Variants in LMX1A observed in about 807,000 individuals in gnomAD.
LMX1A encodes the protein LIM homeobox transcription factor 1-alpha.
Under a neutral mutation model 49.1 loss-of-function variants are expected in LMX1A, and 15 were observed. The ratio of observed to expected loss-of-function variants is 0.31; its 90% CI spans 0.20 to 0.47. The LOEUF is 0.47. Ranked by LOEUF, LMX1A falls within the 20% of genes least tolerant of loss-of-function variation. The pLI is 1.00. For missense variants in LMX1A, 372 were observed against 475.8 expected (o/e 0.78, Z 2.03); for synonymous variants, 167 against 185.7 (o/e 0.90, Z 0.82).
chr1:165,213,941 G>A, intron 4 of LMX1A, 128 bp from the exon 5 acceptor site: 5 of 780,056 alleles, frequency 6.4e-6, no homozygotes, highest in South Asian at 5.3e-5. Flanking sequence ...AATAATCTAT[G>A]TGGTATTGCT....
chr1:165,262,374 C>G (rs1357229902), intron 3 of LMX1A, among the ~76,000 whole-genome samples: 1 of 152,178 alleles, frequency 6.6e-6, no homozygotes, highest in African/African-American at 2.4e-5. Context: ...AGAATGAAAG[C>G]TACCTGTTAA....
intron 3 of LMX1A, among the ~76,000 whole-genome samples, chr1:165,318,573 C>T (rs965072890): frequency 2.6e-5 from 4 of 152,126 alleles, no homozygotes; most frequent in Non-Finnish European, 5.9e-5. Flanking sequence ...TTCTCCCAGA[C>T]AATTTTACTG....
Position 165,249,539 on chromosome 1 carries a change from C to T in LMX1A, c.365G>A (p.Cys122Tyr), listed in dbSNP as rs1322499274. Residue 122 changes from cysteine to tyrosine, a missense_variant, in exon 4 of 9, where the codon TGC becomes TAC. This residue lies in a region of LMX1A where 199 missense variants were observed against 244.0 expected (regional missense o/e 0.82). Coordinates refer to ENST00000342310, the MANE Select transcript of LMX1A (RefSeq NM_177398.4). ...CTGAAGCTGTCGCTCGCAGACACAG[C>T]AGCAGAAGCAGCTCAGGTGGTATAC... ...KSVYHLSCFC[C>Y]CVCERQLQKG... 6.2e-7 allele frequency: 1 copy of T among 1,614,142 alleles called. No homozygotes were observed. The highest frequency in any genetic ancestry group is 8.5e-7 in the Non-Finnish European group (1 of 1,180,004).
chr1:165,331,812 G>A (rs1179472951), intron 3 of LMX1A, among the ~76,000 whole-genome samples: 1 of 152,164 alleles, frequency 6.6e-6, no homozygotes, highest in South Asian at 2.1e-4. Flanking sequence ...AGATACACAG[G>A]AGGCTGAGGC....
intron 4 of LMX1A, among the ~76,000 whole-genome samples, chr1:165,239,068 G>GA (rs1372263538): frequency 2.5e-3 from 3 of 1,192 alleles, no homozygotes; most frequent in Non-Finnish European, 3.8e-3. Context: ...TCATCATCAT[G>GA]AAAAAATCAT....
chr1:165,300,908 A>T (rs1270790394), intron 3 of LMX1A, among the ~76,000 whole-genome samples: 1 of 152,188 alleles, frequency 6.6e-6, no homozygotes, highest in Non-Finnish European at 1.5e-5. Flanking sequence ...CTGGGGAGCT[A>T]AAGTAGAGAA....
chr1:165,313,334 C>T (rs1417830650), intron 3 of LMX1A, among the ~76,000 whole-genome samples: 3 of 152,142 alleles, frequency 2.0e-5, no homozygotes, highest in Admixed American at 6.5e-5. Context: ...AACACATATC[C>T]TAAACCCTAG....
chr1:165,273,165 T>C (rs2101697653), intron 3 of LMX1A, among the ~76,000 whole-genome samples: 1 of 152,296 alleles, frequency 6.6e-6, no homozygotes, highest in Non-Finnish European at 1.5e-5. Context: ...GCAGATGTGT[T>C]GTGTCTGGCT....
intron 3 of LMX1A, among the ~76,000 whole-genome samples, chr1:165,269,597 A>C (rs965890395): frequency 1.3e-5 from 2 of 152,262 alleles, no homozygotes; most frequent in Non-Finnish European, 2.9e-5. Flanking sequence ...ATGCATGCCT[A>C]TGTTCATTGC....
chr1:165,205,766 C>G, intron 8 of LMX1A, 98 bp downstream of exon 8: 1 of 1,180,880 alleles, frequency 8.5e-7, no homozygotes, highest in Non-Finnish European at 1.2e-6. Flanking sequence ...TGCTTTGGAA[C>G]TTCGGTGAGC....
intron 3 of LMX1A, among the ~76,000 whole-genome samples, chr1:165,279,745 GACC>G: frequency 6.6e-6 from 1 of 152,250 alleles, no homozygotes; most frequent in East Asian, 1.9e-4. Flanking sequence ...TCCAACAAAT[GACC>G]ACCATTTGGG....
At position 165,355,114 on chromosome 1, in the gene LMX1A, G is replaced by C. The variant is rs1405426446; in HGVS notation, c.76+370C>G. Among the ~76,000 whole-genome samples the C allele has an allele frequency of 6.6e-6, 1 of 152,154 alleles. No homozygotes were observed. The highest frequency in any genetic ancestry group is 1.9e-4 in the East Asian group (1 of 5,172). ...TTGGGCGCTCCAGGCCTCGGGTCTC[G>C]GATGCTATTGCCTCTAGGCCGCGAG... On this transcript the variant is annotated intron_variant, in intron 2 of 8. Coordinates refer to ENST00000342310, the MANE Select transcript of LMX1A (RefSeq NM_177398.4). This position sits in a 1 kb window ranked among gnomAD's most constrained non-coding sequence, Gnocchi z 4.7.
At chr1:165,353,459 T>C (rs796067460) in intron 2 of LMX1A, among the ~76,000 whole-genome samples, 197 bp from the exon 3 acceptor site, 34 of 152,128 alleles carry the variant, frequency 2.2e-4, no homozygotes, top group African/African-American at 8.0e-4. Context: ...ACGGAGACTA[T>C]GTGAGAAGGT....
chr1:165,315,224 GA>G (rs1655184283), intron 3 of LMX1A, among the ~76,000 whole-genome samples: 2 of 152,224 alleles, frequency 1.3e-5, no homozygotes, highest in Admixed American at 1.3e-4. Flanking sequence ...TTATGAAGGG[GA>G]TGTCCCCACG....
chr1:165,211,069 T>C, intron 5 of LMX1A: 1 of 287,118 alleles, frequency 3.5e-6, no homozygotes, highest in Non-Finnish European at 6.5e-6. Flanking sequence ...TGGTTTAGAC[T>C]TTAGTCTATT....
At chr1:165,249,720 A>T (rs1652987298) in intron 3 of LMX1A, 80 bp from the exon 4 acceptor site, 1 of 980,892 alleles carries the variant, frequency 1.0e-6, no homozygotes, top group Non-Finnish European at 1.6e-6. Context: ...AGTCAACAGC[A>T]AAAGGAACTT....
chr1:165,294,132 C>A (rs998929194), intron 3 of LMX1A, among the ~76,000 whole-genome samples: 30 of 152,320 alleles, frequency 2.0e-4, no homozygotes, highest in African/African-American at 7.0e-4. Context: ...GGAACCAAAA[C>A]CAAGTCTGAC....
chr1:165,287,093 G>A (rs950542532), intron 3 of LMX1A, among the ~76,000 whole-genome samples: 10 of 152,246 alleles, frequency 6.6e-5, no homozygotes, highest in South Asian at 2.1e-4. Flanking sequence ...CTTGATAATA[G>A]GAAACATGGG....
rs192818223 is a variant in LMX1A, at chr1:165,342,346, C to T, written c.263+10730G>A. Among the ~76,000 whole-genome samples, 449 of 152,252 alleles carry T rather than the reference C, an allele frequency of 2.9e-3. 4 individuals carry two copies. The highest frequency in any genetic ancestry group is 3.0e-3 in the Non-Finnish European group (203 of 68,030). On this transcript the variant is annotated intron_variant, in intron 3 of 8. Coordinates refer to ENST00000342310, the MANE Select transcript of LMX1A (RefSeq NM_177398.4). ...TGGATGGACAGCTGCTGGCTGGTCC[C>T]GATGGAAGTTATGCTGGAAGCTCCG...
Sources: allele counts gnomAD v4.1 joint callset (sites outside exome capture counted in the v4.1 genomes callset), GRCh38; gene constraint gnomAD v4.1.1; regional missense constraint gnomAD v4.1.1; non-coding constraint Gnocchi (gnomAD v3.1); transcripts MANE v1.5; gene names NCBI Gene and HGNC (gene_info 2026-07-23, HGNC 2026-07-21).